The following ELP2 variants were observed in gnomAD, a reference collection of about 807,000 sequenced individuals.
ELP2 encodes elongator acetyltransferase complex subunit 2, also known as elongator complex protein 2.
ELP2 carries 90 observed loss-of-function variants against 119.2 expected under a neutral mutation model. The observed-to-expected ratio is 0.75, with a 90% CI of 0.64 to 0.90. The LOEUF is 0.90. ELP2 is among the 40% of genes least tolerant of loss of function. ELP2 has a pLI of 0.00. For missense variants in ELP2, 921 were observed against 967.8 expected (o/e 0.95, Z 0.64); for synonymous variants, 339 against 331.0 (o/e 1.02, Z -0.26).
At chr18:36,137,931 A>G (rs2144596953) in intron 3 of ELP2, among the ~76,000 whole-genome samples, 1 of 152,162 alleles carries the variant, frequency 6.6e-6, no homozygotes, top group East Asian at 1.9e-4. Context: ...TCCTGATGGG[A>G]TGTGCTTATG....
At position 36,146,007 on chromosome 18, in the gene ELP2, C is replaced by T. The variant is rs2090187656; in HGVS notation, c.952C>T (p.Leu318Phe). The T allele has an allele frequency of 6.2e-7, 1 of 1,613,886 alleles. No homozygotes were observed. The highest frequency in any genetic ancestry group is 1.3e-5 in the African/African-American group (1 of 74,896). ...TGCTTCCATGGATAAAACCATGATT[C>T]TCTGGGCTCCAGATGAAGAGTCAGG... ...LSASMDKTMILWAPDEESGVW... is the reference protein window; with the variant it reads ...LSASMDKTMIFWAPDEESGVW... The change falls in exon 10 of 22, where the codon CTC becomes TTC. Residue 318 changes from leucine (L) to phenylalanine (F), a missense_variant. By Grantham distance (22) the Leu-to-Phe change is conservative (BLOSUM62 0). Transcript: ENST00000358232.
At chr18:36,132,391 A>G (rs17739785) in intron 1 of ELP2, among the ~76,000 whole-genome samples, 8,181 of 152,240 alleles carry the variant, frequency 0.054, 275 homozygotes, top group East Asian at 0.097. Context: ...GAAGTACAGT[A>G]AATTGTTTTC....
intron 16 of ELP2, 34 bp downstream of exon 16, chr18:36,160,049 T>C: frequency 6.2e-7 from 1 of 1,607,530 alleles, no homozygotes; most frequent in South Asian, 1.1e-5. Context: ...TTTGGTCTGA[T>C]TCTGTCGTAA....
intron 11 of ELP2, among the ~76,000 whole-genome samples, chr18:36,148,307 C>T (rs939515285): frequency 1.4e-4 from 21 of 152,140 alleles, no homozygotes; most frequent in Admixed American, 1.2e-3. Context: ...TTTAGCACCT[C>T]GTGATCTGCC....
chr18:36,159,766 G>A lies in ELP2; in HGVS notation c.1566G>A (p.Glu522=). The part of the protein sequence containing the change: ...GDIASQPSDE[E]ELLTSTGFEY... ...TAGCTTCTCAGCCTTCTGATGAAGAGGAGCTGTTAACTAGTACTGGTTTTG... is the reference window on the plus strand; with the variant it reads ...TAGCTTCTCAGCCTTCTGATGAAGAAGAGCTGTTAACTAGTACTGGTTTTG... Residue 522 remains glutamate (E), a synonymous_variant, in exon 15 of 22, where the codon GAG becomes GAA. Coordinates refer to ENST00000358232, the MANE Select transcript of ELP2 (RefSeq NM_018255.4). 2 of 1,613,962 alleles carry A rather than the reference G, an allele frequency of 1.2e-6. No homozygotes were observed. Among genetic ancestry groups the A allele is most frequent in the Non-Finnish European group, 1.7e-6 (2 of 1,179,898 alleles).
chr18:36,159,818 T>G lies in ELP2; in HGVS notation c.1618T>G (p.Ser540Ala), dbSNP rs1302964095. ...FEYQQVAFQP[S>A]ILTEPPTEDH... is the part of the protein sequence containing the mutation. ...GTATCAGCAGGTGGCCTTTCAGCCCTCCATACTTACTGGTAAGATGTGACA... is the reference window on the plus strand; with the variant it reads ...GTATCAGCAGGTGGCCTTTCAGCCCGCCATACTTACTGGTAAGATGTGACA... Residue 540 changes from serine to alanine, a missense_variant, in exon 15 of 22, where the codon TCC (serine) becomes GCC (alanine). Transcript: ENST00000358232. 1.2e-6 allele frequency: 2 copies of G among 1,613,716 alleles called. No individual in the cohort carries two copies. Among genetic ancestry groups the G allele is most frequent in the East Asian group, 2.2e-5 (1 of 44,868 alleles).
rs118147951 is a variant in ELP2 at position 36,161,564 on chromosome 18, G to A, written c.1761+560G>A. ...GGTAGATGACTTTTGCATTTACCTG[G>A]AAGGATGGTCTTGAATTCATCATTC... is the stretch of plus-strand genomic sequence containing the variant. On this transcript the variant is annotated intron_variant, in intron 17 of 21. Transcript: ENST00000358232. Among the ~76,000 whole-genome samples, 1,220 of 152,266 alleles carry A rather than the reference G, an allele frequency of 8.0e-3. 4 individuals carry two copies. The highest frequency in any genetic ancestry group is 0.011 in the Non-Finnish European group (766 of 68,014).
rs941419755 is a variant in ELP2 at position 36,138,954 on chromosome 18, G to C, written c.523+82G>C. 4.8e-6 allele frequency: 5 copies of C among 1,045,846 alleles called. 1 individual carries two copies. The Admixed American group carries it at 6.8e-5, about 14-fold the overall frequency. The allele number at this position is 1,045,846 out of a possible 1,614,324, so 64.8% of individuals were successfully genotyped here. On this transcript the variant is annotated intron_variant, in intron 5 of 21. Coordinates refer to ENST00000358232, the MANE Select transcript of ELP2 (RefSeq NM_018255.4). ...GATTAGAACCTAAAAGAAATGTATT[G>C]GGTCTTAATTTTGTATCTGAATGTT...
At chr18:36,163,757 A>G (rs889836468) in intron 17 of ELP2, among the ~76,000 whole-genome samples, 1 of 152,038 alleles carries the variant, frequency 6.6e-6, no homozygotes, top group African/African-American at 2.4e-5. Context: ...GGTTGTTCAT[A>G]TATGTGGGTC....
At chr18:36,135,270 A>G (rs146640961) in intron 2 of ELP2, among the ~76,000 whole-genome samples, 1 of 152,398 alleles carries the variant, frequency 6.6e-6, no homozygotes, top group East Asian at 1.9e-4. Context: ...TTGAACTGCC[A>G]GATAATGCAG....
intron 19 of ELP2, 116 bp from the exon 20 acceptor site, chr18:36,169,947 C>T: frequency 7.4e-7 from 1 of 1,350,042 alleles, no homozygotes; most frequent in East Asian, 2.3e-5. Flanking sequence ...TGTAATGATG[C>T]ATTTTTTAAA....
In ELP2 at chr18:36,154,921, A is replaced by G; in HGVS notation, c.1197A>G (p.Glu399=). ...TCCAAGACCTAGTCTGGGATCCAGA[A>G]GGAGAATTTATTATCACTGTTGGTA... The part of the protein sequence containing the change: ...DGVQDLVWDP[E]GEFIITVGTD... The change falls in exon 12 of 22, where the codon GAA becomes GAG. Residue 399 remains glutamate, a synonymous_variant. Coordinates refer to ENST00000358232, the MANE Select transcript of ELP2 (RefSeq NM_018255.4). The G allele has an allele frequency of 6.2e-7, 1 of 1,614,104 alleles. No homozygotes were observed. The highest frequency in any genetic ancestry group is 8.5e-7 in the Non-Finnish European group (1 of 1,179,928).
rs1484951483 is a variant in ELP2, at chr18:36,138,282, G to A, written c.301G>A (p.Val101Met). The A allele has an allele frequency of 1.2e-6, 2 of 1,613,966 alleles. No individual in the cohort carries two copies. Among genetic ancestry groups the A allele is most frequent in the South Asian group, 1.1e-5 (1 of 91,078 alleles). ...CTTTCTGATTCAGCTTTTAAAAGCA[G>A]TGCATCTTCAAGGCCATGAAGGACC... ...EIEDNQLLKA[V>M]HLQGHEGPVY... The change falls in exon 4 of 22, where the codon GTG becomes ATG. Residue 101 changes from valine to methionine, a missense_variant. By Grantham distance (21) the Val-to-Met change is conservative (BLOSUM62 1). Transcript: ENST00000358232.
At chr18:36,161,601 A>T (rs964283546) in intron 17 of ELP2, among the ~76,000 whole-genome samples, 1 of 152,220 alleles carries the variant, frequency 6.6e-6, no homozygotes. Flanking sequence ...GTATTTATCC[A>T]TATCCTGTGG....
intron 18 of ELP2, chr18:36,165,175 C>T (rs2090858450): frequency 6.4e-6 from 1 of 156,680 alleles, no homozygotes; most frequent in Non-Finnish European, 1.4e-5. Context: ...CAGTCACCTC[C>T]TTCATTGAGA....
chr18:36,167,295 T>C, intron 19 of ELP2, 73 bp downstream of exon 19: 1 of 1,149,402 alleles, frequency 8.7e-7, no homozygotes, highest in Non-Finnish European at 1.2e-6. Flanking sequence ...GAATAAAAAA[T>C]GCATAATCCT....
In ELP2 at chr18:36,146,300, G is replaced by T; in HGVS notation, c.1044G>T (p.Gln348His). ...GGNTLGFYDC[Q>H]FNEDGSMIIA... Reference sequence around the variant, plus strand: ...ATACTTTGGGATTTTATGATTGCCAGTTCAATGAAGATGGCTCCATGATCA... The same window carrying T: ...ATACTTTGGGATTTTATGATTGCCATTTCAATGAAGATGGCTCCATGATCA... Residue 348 changes from glutamine to histidine, a missense_variant, in exon 11 of 22, where the codon CAG (glutamine) becomes CAT (histidine). Transcript: ENST00000358232. 6.2e-7 allele frequency: 1 copy of T among 1,614,106 alleles called. No individual in the cohort carries two copies. Among genetic ancestry groups the T allele is most frequent in the Non-Finnish European group, 8.5e-7 (1 of 1,179,938 alleles).
Position 36,129,908 on chromosome 18 carries a change from G to A in ELP2, c.-26G>A. The A allele has an allele frequency of 6.2e-7, 1 of 1,614,216 alleles. No homozygotes were observed. The highest frequency in any genetic ancestry group is 8.5e-7 in the Non-Finnish European group (1 of 1,180,042). On this transcript the variant is annotated 5_prime_UTR_variant, in exon 1 of 22. Coordinates refer to ENST00000358232, the MANE Select transcript of ELP2 (RefSeq NM_018255.4). ...CCGAGGGCGGAAGTGCGCGTCTCTT[G>A]TTTGTGCGGCTGACCAGTTGGCGAC...
intron 16 of ELP2, among the ~76,000 whole-genome samples, chr18:36,160,488 G>A (rs188326591): frequency 6.6e-6 from 1 of 151,890 alleles, no homozygotes; most frequent in African/African-American, 2.4e-5. Context: ...TGAGGCTGGA[G>A]GATTGCTTCT....
Sources: gnomAD v4.1 joint callset for allele counts (sites outside exome capture counted in the v4.1 genomes callset) on GRCh38, gnomAD v4.1.1 for gene constraint, MANE v1.5 for transcripts, NCBI Gene and HGNC (gene_info 2026-07-23, HGNC 2026-07-21) for gene names.